The following KIAA1217 variants were observed in gnomAD, a reference collection of about 807,000 sequenced individuals.
KIAA1217 encodes KIAA1217, also known as sickle tail protein homolog.
In KIAA1217, 88 loss-of-function variants were observed where a neutral mutation model predicts 163.9. The ratio of observed to expected loss-of-function variants is 0.54; its 90% CI spans 0.45 to 0.64. The LOEUF (loss-of-function observed/expected upper bound fraction) is 0.64, where lower values mean the gene tolerates loss of function less well. Ranked by LOEUF, KIAA1217 falls within the 30% of genes least tolerant of loss-of-function variation. The probability of loss-of-function intolerance (pLI) is 0.00; values close to 1 mark genes in which losing one functional copy is unlikely to be tolerated. For missense variants in KIAA1217, 2,372 were observed against 2,475.0 expected (o/e 0.96, Z 0.88); for synonymous variants, 903 against 923.1 (o/e 0.98, Z 0.39).
chr10:23,805,282 ATAGAC>A (rs1836680089), intron 1 of KIAA1217, among the ~76,000 whole-genome samples: 1 of 152,180 alleles, frequency 6.6e-6, no homozygotes, highest in South Asian at 2.1e-4. Flanking sequence ...CCCATCAATG[ATAGAC>A]TGTATAAAGA....
intron 1 of KIAA1217, among the ~76,000 whole-genome samples, chr10:23,986,176 A>G (rs977753735): frequency 1.3e-5 from 2 of 152,236 alleles, no homozygotes; most frequent in South Asian, 2.1e-4. Flanking sequence ...AAAAGCAGGG[A>G]TTCATAAAAC....
At position 24,000,228 on chromosome 10, in the gene KIAA1217, A is replaced by T. The variant is rs555803969; in HGVS notation, c.-320-6997A>T. ...TTGGTTGTGTCCCCACCCAAATCTC[A>T]TCTTGAATTATAGTTCTCATAATCC... On this transcript the variant is annotated intron_variant, in intron 1 of 18. Transcript: ENST00000376462. Among the ~76,000 whole-genome samples the T allele has an allele frequency of 2.0e-4, 30 of 152,262 alleles. No individual in the cohort carries two copies. The South Asian group carries it at 4.1e-3, about 21-fold the overall frequency.
chr10:24,193,825 C>T (rs2066845456), intron 2 of KIAA1217, among the ~76,000 whole-genome samples: 1 of 151,246 alleles, frequency 6.6e-6, no homozygotes, highest in African/African-American at 2.4e-5. Context: ...CACACACACA[C>T]ACACACACAC....
chr10:24,428,598 T>G (rs1315190448), intron 3 of KIAA1217, among the ~76,000 whole-genome samples: 2 of 152,164 alleles, frequency 1.3e-5, no homozygotes, highest in Non-Finnish European at 2.9e-5. Context: ...GACCCACAAA[T>G]GAGACATTCC....
At chr10:23,774,432 G>A (rs1427624066) in intron 1 of KIAA1217, among the ~76,000 whole-genome samples, 1 of 152,164 alleles carries the variant, frequency 6.6e-6, no homozygotes, top group Non-Finnish European at 1.5e-5. Context: ...GAGGCCTGTG[G>A]AGCCAAAGAG....
intron 2 of KIAA1217, among the ~76,000 whole-genome samples, chr10:24,309,788 C>G (rs910179709): frequency 6.6e-6 from 1 of 152,092 alleles, no homozygotes; most frequent in Non-Finnish European, 1.5e-5. Context: ...ATCCATCTTG[C>G]GTGCACCCAG....
Position 23,761,886 on chromosome 10 carries a change from A to G in KIAA1217, c.-321+66652A>G, listed in dbSNP as rs185634891. Among the ~76,000 whole-genome samples, 6 of 152,240 alleles carry G rather than the reference A, an allele frequency of 3.9e-5. No homozygotes were observed. In the East Asian group the frequency reaches 9.7e-4, roughly 24 times the overall value. ...TAGCTAGACTAATAAAGAAGAGAAGAATCAAATAGACACAACAAAAAATGA... is the reference window on the plus strand; with the variant it reads ...TAGCTAGACTAATAAAGAAGAGAAGGATCAAATAGACACAACAAAAAATGA... On this transcript the variant is annotated intron_variant, in intron 1 of 18. Coordinates refer to the KIAA1217 transcript ENST00000376462.
At chr10:23,965,412 G>C (rs1040962271) in intron 1 of KIAA1217, among the ~76,000 whole-genome samples, 2 of 152,220 alleles carry the variant, frequency 1.3e-5, no homozygotes, top group African/African-American at 4.8e-5. Flanking sequence ...CAGAATAGAA[G>C]GCAGTTTAGT....
chr10:24,354,532 T>A (rs938846977), intron 2 of KIAA1217, among the ~76,000 whole-genome samples: 5 of 152,188 alleles, frequency 3.3e-5, no homozygotes, highest in African/African-American at 1.2e-4. Flanking sequence ...CAAGTCCTTG[T>A]CCTGCATCCA....
At chr10:24,389,382 C>T (rs1426361167) in intron 3 of KIAA1217, among the ~76,000 whole-genome samples, 1 of 151,788 alleles carries the variant, frequency 6.6e-6, no homozygotes, top group Non-Finnish European at 1.5e-5. Context: ...TGGGGAATAT[C>T]ACACACTGGG....
chr10:23,757,917 T>C (rs1185557743), intron 1 of KIAA1217, among the ~76,000 whole-genome samples: 1 of 152,250 alleles, frequency 6.6e-6, no homozygotes, highest in Non-Finnish European at 1.5e-5. Flanking sequence ...CTTTTTGTTA[T>C]TGCGTTTCAG....
intron 2 of KIAA1217, among the ~76,000 whole-genome samples, chr10:24,347,086 T>C (rs746636751): frequency 1.3e-5 from 2 of 152,270 alleles, no homozygotes; most frequent in Non-Finnish European, 2.9e-5. Context: ...CACTCACTAG[T>C]CTGATACCTC....
chr10:24,068,011 G>C (rs2061033916), intron 2 of KIAA1217, among the ~76,000 whole-genome samples: 1 of 152,206 alleles, frequency 6.6e-6, no homozygotes, highest in African/African-American at 2.4e-5. Context: ...ATTAGGGTGG[G>C]AGTAACCCAA....
At chr10:24,262,324 T>C in intron 2 of KIAA1217, among the ~76,000 whole-genome samples, 1 of 152,096 alleles carries the variant, frequency 6.6e-6, no homozygotes, top group Non-Finnish European at 1.5e-5. Flanking sequence ...TTGATGATTG[T>C]CTGTCTTTAA....
chr10:23,790,802 T>G (rs933605546), intron 1 of KIAA1217, among the ~76,000 whole-genome samples: 1 of 151,660 alleles, frequency 6.6e-6, no homozygotes, highest in Admixed American at 6.6e-5. Context: ...GGCATGATCT[T>G]GATGCATTGC....
chr10:23,820,009 C>T (rs531789837), intron 1 of KIAA1217, among the ~76,000 whole-genome samples: 1 of 152,218 alleles, frequency 6.6e-6, no homozygotes, highest in Non-Finnish European at 1.5e-5. Context: ...TGATTCTGGG[C>T]CCTAGTCATA....
chr10:24,055,121 G>T (rs1053284856), intron 2 of KIAA1217, among the ~76,000 whole-genome samples: 10 of 152,020 alleles, frequency 6.6e-5, no homozygotes, highest in African/African-American at 2.4e-4. Flanking sequence ...AAAAAAAATT[G>T]CCAGGCATGG....
At chr10:24,420,244 A>T (rs1429717304) in intron 3 of KIAA1217, among the ~76,000 whole-genome samples, 2 of 152,216 alleles carry the variant, frequency 1.3e-5, no homozygotes, top group Non-Finnish European at 2.9e-5. Context: ...TCTCTATGTG[A>T]CGAGAATAAA....
intron 2 of KIAA1217, among the ~76,000 whole-genome samples, chr10:24,195,908 C>T (rs1044893139): frequency 1.3e-5 from 2 of 151,890 alleles, no homozygotes; most frequent in Non-Finnish European, 1.5e-5. Context: ...GCAGGAGGAT[C>T]GCTTGAGGCC....
Sources: allele counts gnomAD v4.1 joint callset (sites outside exome capture counted in the v4.1 genomes callset), GRCh38; gene constraint gnomAD v4.1.1; transcripts MANE v1.5; gene names NCBI Gene and HGNC (gene_info 2026-07-23, HGNC 2026-07-21).